BTBD9: variants seen among roughly 807,000 people sequenced by gnomAD.
The protein encoded by BTBD9 is BTB/POZ domain-containing protein 9.
A neutral mutation model predicts 64.3 loss-of-function variants in BTBD9; 49 were observed. The ratio of observed to expected loss-of-function variants is 0.76; its 90% CI spans 0.61 to 0.97. The LOEUF is 0.97. Among genes scored for constraint, BTBD9 ranks in the 50% least tolerant of loss-of-function variants. The probability of loss-of-function intolerance (pLI) is 0.00; values close to 1 mark genes in which losing one functional copy is unlikely to be tolerated. For missense variants in BTBD9, 598 were observed against 762.1 expected (o/e 0.78, Z 2.53); for synonymous variants, 260 against 274.7 (o/e 0.95, Z 0.53).
chr6:38,299,111 G>A (rs1417589730), intron 7 of BTBD9, among the ~76,000 whole-genome samples: 3 of 152,138 alleles, frequency 2.0e-5, no homozygotes, highest in Non-Finnish European at 2.9e-5. Context: ...GCAGTGTTTG[G>A]TTTTTTGTCC....
At chr6:38,406,640 G>T (rs138329580) in intron 6 of BTBD9, among the ~76,000 whole-genome samples, 1 of 152,174 alleles carries the variant, frequency 6.6e-6, no homozygotes, top group Non-Finnish European at 1.5e-5. Context: ...TTAATAAGAA[G>T]AATCACATTG....
chr6:38,638,498 T>C (rs1201688883), intron 1 of BTBD9, among the ~76,000 whole-genome samples: 1 of 152,208 alleles, frequency 6.6e-6, no homozygotes, highest in African/African-American at 2.4e-5. Flanking sequence ...CAAGCACATT[T>C]TTCCTATGTG....
chr6:38,304,933 A>G (rs1013039179), intron 7 of BTBD9, among the ~76,000 whole-genome samples: 1 of 152,080 alleles, frequency 6.6e-6, no homozygotes, highest in African/African-American at 2.4e-5. Flanking sequence ...TCTGATCTAA[A>G]CTGACAGCCA....
chr6:38,179,153 C>A (rs1018649282), intron 10 of BTBD9, among the ~76,000 whole-genome samples: 1 of 152,050 alleles, frequency 6.6e-6, no homozygotes, highest in South Asian at 2.1e-4. Context: ...GCCCAGCCTA[C>A]GAGACTCTTT....
chr6:38,178,746 T>TG (rs946934805), intron 10 of BTBD9, among the ~76,000 whole-genome samples: 25 of 4,502 alleles, frequency 5.6e-3, no homozygotes, highest in Admixed American at 0.014. Context: ...CAGCAGGGTG[T>TG]GGGGGGGAGG....
intron 6 of BTBD9, among the ~76,000 whole-genome samples, chr6:38,410,046 T>A (rs9470874): frequency 0.37 from 56,968 of 151,920 alleles, 13,065 homozygotes; most frequent in East Asian, 0.84. Flanking sequence ...GTTTTTATTT[T>A]AAAAAAAGAA....
chr6:38,351,504 G>GTTTTTTTTTTTTT (rs79539406), intron 6 of BTBD9, among the ~76,000 whole-genome samples: 1 of 96,688 alleles, frequency 1.0e-5, no homozygotes, highest in African/African-American at 3.7e-5. Context: ...TTTAATTGTT[G>GTTTTTTTTTTTTT]TTGTTTTTTT....
intron 10 of BTBD9, among the ~76,000 whole-genome samples, chr6:38,176,946 A>AC (rs747903163): frequency 1.1e-4 from 16 of 151,488 alleles, no homozygotes; most frequent in East Asian, 7.8e-4. Context: ...GGTCCTCAAC[A>AC]CCCCCCCCAC....
At chr6:38,365,072 T>C (rs1765133563) in intron 6 of BTBD9, among the ~76,000 whole-genome samples, 1 of 152,116 alleles carries the variant, frequency 6.6e-6, no homozygotes, top group African/African-American at 2.4e-5. Context: ...TGAGGCAATG[T>C]TGAATGGTTT....
intron 2 of BTBD9, among the ~76,000 whole-genome samples, chr6:38,596,882 A>G (rs561784450): frequency 6.6e-6 from 1 of 152,188 alleles, no homozygotes; most frequent in Non-Finnish European, 1.5e-5. Flanking sequence ...AGGAAGAAAT[A>G]TAAAAGGAAA....
At chr6:38,374,286 T>TATATATATATATATATAC (rs1444399511) in intron 6 of BTBD9, among the ~76,000 whole-genome samples, 1 of 67,510 alleles carries the variant, frequency 1.5e-5, no homozygotes, top group Non-Finnish European at 2.3e-5. Context: ...AAAAAAAGTA[T>TATATATATATATATATAC]ATATATATAT....
chr6:38,197,972 G>A (rs955954850), intron 9 of BTBD9, among the ~76,000 whole-genome samples: 2 of 152,216 alleles, frequency 1.3e-5, no homozygotes, highest in Non-Finnish European at 2.9e-5. Flanking sequence ...TGGGACTGCT[G>A]ATGGGGAACA....
Position 38,577,660 on chromosome 6 carries a change from T to A in BTBD9, c.1094A>T (p.Asp365Val). The A allele has an allele frequency of 1.2e-6, 2 of 1,610,816 alleles. No homozygotes were observed. The highest frequency in any genetic ancestry group is 1.7e-6 in the Non-Finnish European group (2 of 1,179,494). Residue 365 changes from aspartate (D) to valine (V), a missense_variant, in exon 6 of 11, where the codon GAT (aspartate) becomes GTT (valine). Physicochemically the swap from Asp to Val is radical, Grantham distance 152 (BLOSUM62 -3). Coordinates refer to ENST00000481247, the MANE Select transcript of BTBD9 (RefSeq NM_001099272.2). ...AGAACGACACAGATATTGTGAATGA[T>A]CTATCACTCTGACCCAATCAAGTTC... ...MDELDWVRVI[D>V]HSQYLCRSWQ... is the part of the protein sequence containing the mutation.
At chr6:38,406,283 C>A (rs1055956885) in intron 6 of BTBD9, among the ~76,000 whole-genome samples, 1 of 152,150 alleles carries the variant, frequency 6.6e-6, no homozygotes, top group Non-Finnish European at 1.5e-5. Context: ...AGGCAAAATT[C>A]TTTGCCAAGC....
At chr6:38,231,046 ATTAT>A in intron 9 of BTBD9, among the ~76,000 whole-genome samples, 1 of 152,190 alleles carries the variant, frequency 6.6e-6, no homozygotes, top group Non-Finnish European at 1.5e-5. Flanking sequence ...GTGCTCAATT[ATTAT>A]TTGTTGAATG....
intron 8 of BTBD9, among the ~76,000 whole-genome samples, chr6:38,271,769 G>T (rs1765203608): frequency 6.6e-6 from 1 of 152,114 alleles, no homozygotes; most frequent in African/African-American, 2.4e-5. Context: ...TTAAACTAAG[G>T]CTGAGCTTAG....
In BTBD9 at chr6:38,212,171, C is replaced by G. The variant is rs113816239; in HGVS notation, c.1563-19574G>C. The stretch of plus-strand genomic sequence containing the variant: ...CTTGGTGGCCAGGAGAATGTTAAAG[C>G]CTGGAGCTCTTTCTGAGCAGGGGCT... On this transcript the variant is annotated intron_variant, in intron 9 of 10. Transcript: ENST00000481247. Among the ~76,000 whole-genome samples, 439 of 152,280 alleles carry G rather than the reference C, an allele frequency of 2.9e-3. 4 individuals carry two copies. Among genetic ancestry groups the G allele is most frequent in the African/African-American group, 9.0e-3 (374 of 41,542 alleles).
At chr6:38,250,315 CT>C (rs1327563566) in intron 9 of BTBD9, among the ~76,000 whole-genome samples, 3 of 152,156 alleles carry the variant, frequency 2.0e-5, no homozygotes, top group Non-Finnish European at 4.4e-5. Context: ...GCTTTAGAAG[CT>C]TCTGCAACGG....
chr6:38,331,588 G>A (rs959883732), intron 7 of BTBD9, among the ~76,000 whole-genome samples: 1 of 152,252 alleles, frequency 6.6e-6, no homozygotes, highest in Non-Finnish European at 1.5e-5. Flanking sequence ...GCCAGGTGTA[G>A]TGGCTCACAC....
Sources: allele counts gnomAD v4.1 joint callset (sites outside exome capture counted in the v4.1 genomes callset), GRCh38; gene constraint gnomAD v4.1.1; transcripts MANE v1.5; gene names NCBI Gene and HGNC (gene_info 2026-07-23, HGNC 2026-07-21).